The following COL4A4 variants were observed in gnomAD, a reference collection of about 807,000 sequenced individuals.
The protein encoded by COL4A4 is collagen type IV alpha 4 chain, also known as collagen alpha-4(IV) chain.
A neutral mutation model predicts 192.9 loss-of-function variants in COL4A4; 105 were observed. That is an observed-to-expected ratio of 0.54 (90% CI 0.46 to 0.64). COL4A4 has a LOEUF of 0.64. Ranked by LOEUF, COL4A4 falls within the 30% of genes least tolerant of loss-of-function variation. The pLI is 0.00. For missense variants in COL4A4, 1,967 were observed against 2,169.3 expected (o/e 0.91, Z 1.85); for synonymous variants, 762 against 769.9 (o/e 0.99, Z 0.17).
intron 37 of COL4A4, among the ~76,000 whole-genome samples, chr2:227,035,170 G>A (rs972660770): frequency 2.3e-4 from 35 of 151,954 alleles, no homozygotes; most frequent in Non-Finnish European, 1.9e-4. Flanking sequence ...TAGGTCCTAT[G>A]GATGTGTTCA....
At chr2:227,098,634 G>T in intron 19 of COL4A4, 60 bp downstream of exon 19, 1 of 1,266,524 alleles carries the variant, frequency 7.9e-7, no homozygotes, top group South Asian at 1.2e-5. Context: ...AGCTACTGGT[G>T]CTGATGATGA....
the COL4A4 span, among the ~76,000 whole-genome samples, chr2:226,990,221 C>T: frequency 2.0e-5 from 3 of 152,056 alleles, no homozygotes; most frequent in Admixed American, 6.6e-5. Flanking sequence ...TGGTCTTTGA[C>T]GGTAAATGAC....
intron 1 of COL4A4, among the ~76,000 whole-genome samples, chr2:227,161,263 A>C (rs944037255): frequency 2.0e-5 from 3 of 152,272 alleles, no homozygotes; most frequent in African/African-American, 7.2e-5. Context: ...AATGTAGTGA[A>C]GCAGACACAA....
Position 227,089,226 on chromosome 2 carries a change from A to G in COL4A4, c.1460-410T>C, listed in dbSNP as rs188769749. On this transcript the variant is annotated intron_variant, in intron 21 of 47. Transcript: ENST00000396625. ...TTGGTGAGTGCACAAACCCTAAACA[A>G]TTAAGGAGACAAAATAATACATGAA... Among the ~76,000 whole-genome samples, 329 of 152,290 alleles carry G rather than the reference A, an allele frequency of 2.2e-3. 3 individuals are homozygous for G. Among genetic ancestry groups the G allele is most frequent in the African/African-American group, 7.2e-3 (301 of 41,554 alleles).
chr2:227,069,400 G>T (rs976591571), intron 25 of COL4A4, among the ~76,000 whole-genome samples: 17 of 151,924 alleles, frequency 1.1e-4, no homozygotes, highest in Admixed American at 7.9e-4. Context: ...AAAAAGAGCC[G>T]GCATCGCCAA....
At chr2:227,008,401 C>T (rs1962703118) in intron 46 of COL4A4, 97 bp from the exon 47 acceptor site, 1 of 1,394,956 alleles carries the variant, frequency 7.2e-7, no homozygotes, top group African/African-American at 1.4e-5. Context: ...GATACGTGTT[C>T]TGAAATCTGG....
chr2:227,037,550 T>A (rs1376881805), intron 37 of COL4A4, among the ~76,000 whole-genome samples: 2 of 152,180 alleles, frequency 1.3e-5, no homozygotes, highest in Non-Finnish European at 2.9e-5. Context: ...TAAACATACA[T>A]TTGCATAGGT....
chr2:226,970,790 G>A, the COL4A4 span, among the ~76,000 whole-genome samples: 3 of 152,150 alleles, frequency 2.0e-5, no homozygotes, highest in Non-Finnish European at 1.5e-5. Flanking sequence ...TCAGGGATGC[G>A]ACTTTCTTCA....
At chr2:226,999,482 A>T (rs143336048), downstream of COL4A4, among the ~76,000 whole-genome samples, 101 of 152,284 alleles carry the variant, frequency 6.6e-4, no homozygotes, top group East Asian at 0.019. Flanking sequence ...AGTAGTACCG[A>T]ATCTTGCCAT....
At chr2:227,065,788 A>G (rs1211799267) in intron 25 of COL4A4, among the ~76,000 whole-genome samples, 2 of 152,268 alleles carry the variant, frequency 1.3e-5, no homozygotes, top group Non-Finnish European at 2.9e-5. Flanking sequence ...AACAGAGCAG[A>G]AAAACTGGAA....
At chr2:227,063,874 A>C (rs1280158314) in intron 25 of COL4A4, among the ~76,000 whole-genome samples, 5 of 152,024 alleles carry the variant, frequency 3.3e-5, no homozygotes, top group African/African-American at 7.2e-5. Context: ...AGATTGTATG[A>C]GTTCATACTG....
chr2:227,040,000 T>C (rs910038612), intron 37 of COL4A4, among the ~76,000 whole-genome samples: 1 of 152,212 alleles, frequency 6.6e-6, no homozygotes, highest in Non-Finnish European at 1.5e-5. Context: ...TCAACATAAA[T>C]GGCTCCTGTC....
intron 12 of COL4A4, among the ~76,000 whole-genome samples, chr2:227,104,565 G>A (rs1386677462): frequency 1.4e-5 from 2 of 138,798 alleles, no homozygotes; most frequent in African/African-American, 5.4e-5. Flanking sequence ...CTGGGCGACA[G>A]AGCGAGACTC....
Position 227,102,667 on chromosome 2 carries a change from G to A in COL4A4, c.930+122C>T, listed in dbSNP as rs146141669. The A allele has an allele frequency of 2.3e-4, 195 of 831,288 alleles. No individual in the cohort carries two copies. In the African/African-American group the frequency reaches 3.0e-3, roughly 13 times the overall value. The allele number at this position is 831,288 out of a possible 1,614,324, so 51.5% of individuals were successfully genotyped here. ...ATATTCCATAATTCTCGTCCAAAAT[G>A]TTTTGTTCTTACATGAGCTATTCTT... On this transcript the variant is annotated intron_variant, in intron 15 of 47. Transcript: ENST00000396625.
intron 22 of COL4A4, among the ~76,000 whole-genome samples, chr2:227,082,555 G>A (rs752104884): frequency 2.9e-4 from 44 of 152,278 alleles, no homozygotes; most frequent in Non-Finnish European, 5.4e-4. Context: ...ACTGTGCAAC[G>A]TCTTGTGAGT....
intron 2 of COL4A4, among the ~76,000 whole-genome samples, chr2:227,145,395 C>T (rs772732979): frequency 6.6e-6 from 1 of 152,110 alleles, no homozygotes; most frequent in Non-Finnish European, 1.5e-5. Flanking sequence ...TGCAGTGAGC[C>T]GAGATCGTGC....
chr2:227,058,807 A>G (rs73992502), intron 28 of COL4A4, among the ~76,000 whole-genome samples: 3,814 of 152,280 alleles, frequency 0.025, 182 homozygotes, highest in African/African-American at 0.087. Context: ...TTTTAAGTAC[A>G]TTAAAACCTG....
chr2:227,009,750 GAAGAGAA>G (rs1451152415), intron 46 of COL4A4, among the ~76,000 whole-genome samples: 2 of 138,220 alleles, frequency 1.4e-5, no homozygotes, highest in African/African-American at 2.8e-5. Flanking sequence ...AGAGAAGAGA[GAAGAGAA>G]GAGGGGAGGG....
chr2:227,022,595 A>C (rs1966237641), intron 43 of COL4A4: 3 of 533,350 alleles, frequency 5.6e-6, no homozygotes, highest in Admixed American at 1.9e-5. Flanking sequence ...TGTGTCCCTG[A>C]GTCCTTACTC....
Sources: allele counts gnomAD v4.1 joint callset (sites outside exome capture counted in the v4.1 genomes callset), GRCh38; gene constraint gnomAD v4.1.1; transcripts MANE v1.5; gene names NCBI Gene and HGNC (gene_info 2026-07-23, HGNC 2026-07-21).